Variants in NEK4 observed in about 807,000 individuals in gnomAD.
NEK4 encodes NIMA related kinase 4.
In NEK4, 86 loss-of-function variants were observed where a neutral mutation model predicts 98.4. The ratio of observed to expected loss-of-function variants is 0.87; its 90% CI spans 0.73 to 1.05. The LOEUF (loss-of-function observed/expected upper bound fraction) is 1.05. Ranked by LOEUF, NEK4 falls within the 50% of genes least tolerant of loss-of-function variation. The pLI, the probability that NEK4 is intolerant of heterozygous loss-of-function variation, is 0.00. For synonymous variants in NEK4, 328 were observed against 342.2 expected (o/e 0.96, Z 0.46); for missense variants, 898 against 950.3 (o/e 0.94, Z 0.72).
chr3:52,720,351 A>T (rs2097359026), intron 15 of NEK4, among the ~76,000 whole-genome samples: 1 of 152,182 alleles, frequency 6.6e-6, no homozygotes. Flanking sequence ...AGCAGAAAAA[A>T]AAAATTTTAA....
chr3:52,721,533 G>A (rs146100613), intron 15 of NEK4, among the ~76,000 whole-genome samples: 2 of 151,980 alleles, frequency 1.3e-5, no homozygotes, highest in African/African-American at 4.8e-5. Flanking sequence ...TTCAAGACCC[G>A]CCTGGGCAAC....
intron 15 of NEK4, among the ~76,000 whole-genome samples, chr3:52,713,826 G>GTCA (rs2097352672): frequency 6.7e-6 from 1 of 148,276 alleles, no homozygotes; most frequent in Non-Finnish European, 1.5e-5. Flanking sequence ...GTCAAAGTCA[G>GTCA]GAAAAACAAA....
chr3:52,718,775 C>T (rs1047336352), intron 15 of NEK4, among the ~76,000 whole-genome samples: 2 of 152,030 alleles, frequency 1.3e-5, no homozygotes, highest in South Asian at 2.1e-4. Context: ...TTTTTTGAGA[C>T]GGAGTTCCGC....
At chr3:52,753,838 G>A in intron 6 of NEK4, 5 of 412,518 alleles carry the variant, frequency 1.2e-5, no homozygotes, top group South Asian at 9.5e-5. Flanking sequence ...TATTAAAGTG[G>A]TTTGGACTAA....
chr3:52,753,992 G>A (rs1218263499), intron 6 of NEK4: 6 of 263,720 alleles, frequency 2.3e-5, no homozygotes, highest in East Asian at 2.1e-4. Flanking sequence ...GTGAAACCCC[G>A]TCTCTAACCA....
chr3:52,748,796 G>A (rs1410323163), intron 8 of NEK4, among the ~76,000 whole-genome samples: 1 of 152,124 alleles, frequency 6.6e-6, no homozygotes, highest in Non-Finnish European at 1.5e-5. Flanking sequence ...TTAATTAGAT[G>A]CTCAGCCAGG....
chr3:52,733,214 A>G, intron 15 of NEK4: 1 of 236,704 alleles, frequency 4.2e-6, no homozygotes, highest in Admixed American at 5.0e-5. Flanking sequence ...GTAATGTGGC[A>G]AGGTCTTTAG....
intron 10 of NEK4, 93 bp downstream of exon 10, chr3:52,745,968 T>C: frequency 1.7e-6 from 2 of 1,153,220 alleles, no homozygotes; most frequent in South Asian, 2.8e-5. Context: ...ATTGATCCTC[T>C]TGCTTCAGCC....
intron 5 of NEK4, among the ~76,000 whole-genome samples, 153 bp downstream of exon 5, chr3:52,763,317 G>A (rs553907849): frequency 6.6e-6 from 1 of 152,330 alleles, no homozygotes; most frequent in Non-Finnish European, 1.5e-5. Context: ...CCCTAAGAGG[G>A]TAGAATTTTG....
chr3:52,718,895 T>G (rs1055114409), intron 15 of NEK4, among the ~76,000 whole-genome samples: 1 of 152,278 alleles, frequency 6.6e-6, no homozygotes, highest in Non-Finnish European at 1.5e-5. Flanking sequence ...GTAGCTGGGA[T>G]AATAGGCATG....
intron 13 of NEK4, among the ~76,000 whole-genome samples, 160 bp downstream of exon 13, chr3:52,741,236 CAAAAAAAAAAAAAAA>C (rs35123782): frequency 1.7e-5 from 1 of 59,602 alleles, no homozygotes; most frequent in Non-Finnish European, 3.3e-5. Context: ...AACTCCGTCT[CAAAAAAAAAAAAAAA>C]AAAAAAAGAA....
At position 52,763,579 on chromosome 3, in the gene NEK4, T is replaced by C. The variant is rs1344864502; in HGVS notation, c.712A>G (p.Ile238Val). ...RDYSPELAELIRTMLSKRPEE... is the reference protein window; with the variant it reads ...RDYSPELAELVRTMLSKRPEE... ...GGCCTTTTGCTCAGCATTGTTCTTA[T>C]CAGTTCTGCCAGCTCTGGGCTGTAA... is the stretch of plus-strand genomic sequence containing the variant. Residue 238 changes from isoleucine (I) to valine (V), a missense_variant, in exon 5 of 16, where the codon ATA (isoleucine) becomes GTA (valine). Physicochemically the swap from Ile to Val is conservative, Grantham distance 29 (BLOSUM62 3). Transcript: ENST00000233027. The C allele has an allele frequency of 7.4e-6, 12 of 1,613,458 alleles. No homozygotes were observed. Among genetic ancestry groups the C allele is most frequent in the Non-Finnish European group, 9.3e-6 (11 of 1,179,672 alleles).
In NEK4 at chr3:52,751,972, G is replaced by A; in HGVS notation, c.1328C>T (p.Pro443Leu). 6.2e-7 allele frequency: 1 copy of A among 1,614,034 alleles called. No individual in the cohort carries two copies. The highest frequency in any genetic ancestry group is 8.5e-7 in the Non-Finnish European group (1 of 1,180,022). The change falls in exon 7 of 16, where the codon CCT becomes CTT. Residue 443 changes from proline (P) to leucine (L), a missense_variant. By Grantham distance (98) the Pro-to-Leu change is moderately conservative. Transcript: ENST00000233027. ...TTGTTCTTTGATTAGGGGCTGCAGA[G>A]GCTTCACTGGTTCATTCTTTTCCCC... is the stretch of plus-strand genomic sequence containing the variant. ...VTGEKNEPVK[P>L]LQPLIKEQKP...
At chr3:52,743,212 CCTTT>C (rs781363202) in intron 12 of NEK4, 136 bp downstream of exon 12, 41 of 670,116 alleles carry the variant, frequency 6.1e-5, no homozygotes, top group Admixed American at 9.4e-5. Flanking sequence ...TTTACCAGTT[CCTTT>C]CTTTATCAAG....
rs2097348021 is a variant in NEK4, at chr3:52,709,338, CAAGTA to C, written c.*2434_*2438del. On this transcript the variant is annotated 3_prime_UTR_variant, in exon 16 of 16. Transcript: ENST00000233027. Reference sequence around the variant, plus strand: ...AATTTAGGAAGATGAATTAAGCACTCAAGTAAAAACGATAAAAGTGGGAAGAAAAG... The same window carrying C: ...AATTTAGGAAGATGAATTAAGCACTCAAAACGATAAAAGTGGGAAGAAAAG... 1 of 151,908 alleles carries C rather than the reference CAAGTA, an allele frequency of 6.6e-6. No individual in the cohort carries two copies. Among genetic ancestry groups the C allele is most frequent in the African/African-American group, 2.4e-5 (1 of 41,304 alleles). The allele number at this position is 151,908 out of a possible 1,614,324, so 9.4% of individuals were successfully genotyped here. A position where few individuals can be genotyped will look rare whatever the true frequency, so the allele number is the denominator to read the frequency against.
intron 15 of NEK4, among the ~76,000 whole-genome samples, chr3:52,715,986 G>A (rs2097354786): frequency 6.6e-6 from 1 of 152,154 alleles, no homozygotes; most frequent in Admixed American, 6.5e-5. Flanking sequence ...AGTGTCCCCT[G>A]GTGCCAGCAG....
At chr3:52,730,254 ATAGACCCATAAC>A (rs2097368321) in intron 15 of NEK4, among the ~76,000 whole-genome samples, 1 of 152,242 alleles carries the variant, frequency 6.6e-6, no homozygotes, top group Non-Finnish European at 1.5e-5. Flanking sequence ...GAAAATCTGA[ATAGACCCATAAC>A]TAGTGTAAGG....
chr3:52,770,009 T>TG (rs932246570), intron 1 of NEK4, among the ~76,000 whole-genome samples: 2 of 152,024 alleles, frequency 1.3e-5, no homozygotes, highest in African/African-American at 4.8e-5. Context: ...TGTCCTGGAT[T>TG]GGGGTGGTAG....
At chr3:52,753,493 T>C (rs1045224190) in intron 6 of NEK4, 6 of 421,114 alleles carry the variant, frequency 1.4e-5, no homozygotes, top group Admixed American at 2.8e-5. Context: ...TCTGATGACA[T>C]ACTACTGAAT....
Sources: allele counts gnomAD v4.1 joint callset (sites outside exome capture counted in the v4.1 genomes callset), GRCh38; gene constraint gnomAD v4.1.1; transcripts MANE v1.5; gene names NCBI Gene and HGNC (gene_info 2026-07-23, HGNC 2026-07-21).